The following NUP214 variants were observed in gnomAD, a reference collection of about 807,000 sequenced individuals.
NUP214 encodes nuclear pore complex protein Nup214.
Under a neutral mutation model 196.2 loss-of-function variants are expected in NUP214, and 79 were observed. The observed-to-expected ratio is 0.40, with a 90% confidence interval of 0.34 to 0.49. The LOEUF is 0.49. Among genes scored for constraint, NUP214 ranks in the 20% least tolerant of loss-of-function variants. NUP214 has a pLI of 0.58. For missense variants in NUP214, 2,468 were observed against 2,539.0 expected, an observed-to-expected ratio of 0.97 and a Z score of 0.60; for synonymous variants, 1,020 against 990.5, an observed-to-expected ratio of 1.03 and a Z score of -0.56.
At chr9:131,138,746 G>A (rs1413259261) in intron 9 of NUP214, among the ~76,000 whole-genome samples, 1 of 152,206 alleles carries the variant, frequency 6.6e-6, no homozygotes, top group Non-Finnish European at 1.5e-5. Context: ...CTGAGGAACT[G>A]GTACCAAGAA....
intron 21 of NUP214, among the ~76,000 whole-genome samples, chr9:131,168,387 T>C (rs1012776840): frequency 1.3e-5 from 2 of 152,248 alleles, no homozygotes; most frequent in Non-Finnish European, 2.9e-5. Flanking sequence ...AATTTACATA[T>C]AAAACTCACC....
intron 32 of NUP214, among the ~76,000 whole-genome samples, chr9:131,223,727 A>ATTTATTTATTTATTTATTTTATT: frequency 1.3e-4 from 2 of 15,642 alleles, no homozygotes; most frequent in African/African-American, 3.0e-4. Context: ...TTATTTATTT[A>ATTTATTTATTTATTTATTTTATT]TTTTTTTTTT....
At position 131,150,430 on chromosome 9, in the gene NUP214, G is replaced by GT; in HGVS notation, c.2127+21dup. The GT allele has an allele frequency of 6.2e-7, 1 of 1,612,714 alleles. No homozygotes were observed. On this transcript the variant is annotated intron_variant, in intron 15 of 35. Transcript: ENST00000359428. ...GAGGAGGTAAATTTGTTTCCTGAGGGTGTTTTTCTGAAAGTAGCTGACAGA... is the reference window on the plus strand; with the variant it reads ...GAGGAGGTAAATTTGTTTCCTGAGGGTTGTTTTTCTGAAAGTAGCTGACAGA...
chr9:131,204,750 T>A (rs1834033037), intron 30 of NUP214, among the ~76,000 whole-genome samples: 1 of 152,114 alleles, frequency 6.6e-6, no homozygotes, highest in Non-Finnish European at 1.5e-5. Flanking sequence ...AGACAGAACC[T>A]TCCAAAACTA....
chr9:131,150,231 G>A, intron 14 of NUP214, 93 bp from the exon 15 acceptor site: 1 of 995,018 alleles, frequency 1.0e-6, no homozygotes, highest in Non-Finnish European at 1.6e-6. Flanking sequence ...TAATGACTGT[G>A]TTACAGGAGC....
chr9:131,223,723 A>AT (rs1222974193), intron 32 of NUP214, among the ~76,000 whole-genome samples: 9 of 18,970 alleles, frequency 4.7e-4, no homozygotes, highest in African/African-American at 1.2e-3. Context: ...TTATTTATTT[A>AT]TTTATTTTTT....
chr9:131,150,499 C>A lies in NUP214; in HGVS notation c.2127+89C>A, dbSNP rs923094842. 7.0e-6 allele frequency: 11 copies of A among 1,564,888 alleles called. No homozygotes were observed. In the African/African-American group the frequency reaches 1.4e-4, roughly 19 times the overall value. ...CCAACCCCTGTATGACTAGTTAGTT[C>A]ATTCTAGCGCTGAAGCATGGCCCAT... On this transcript the variant is annotated intron_variant, in intron 15 of 35. Transcript: ENST00000359428.
chr9:131,188,277 T>C (rs1462121830), intron 25 of NUP214, among the ~76,000 whole-genome samples: 3 of 152,260 alleles, frequency 2.0e-5, no homozygotes, highest in Non-Finnish European at 2.9e-5. Flanking sequence ...GGCTTTTGCC[T>C]GATAAACATT....
chr9:131,228,107 G>T, intron 32 of NUP214, 53 bp from the exon 33 acceptor site: 1 of 1,468,592 alleles, frequency 6.8e-7, no homozygotes, highest in Non-Finnish European at 9.0e-7. Flanking sequence ...TTCTCTTCCT[G>T]TCTCCTCCTT....
At position 131,175,501 on chromosome 9, in the gene NUP214, A is replaced by G. The variant is rs368684575; in HGVS notation, c.3199A>G (p.Ser1067Gly). 3.2e-5 allele frequency: 51 copies of G among 1,614,128 alleles called. No homozygotes were observed. Among genetic ancestry groups the G allele is most frequent in the Non-Finnish European group, 4.1e-5 (48 of 1,180,050 alleles). ...CAAAATTATTCCTCAAGGGGCCGATAGCACAATGCTTGCCACGAAAACCGT... is the reference window on the plus strand; with the variant it reads ...CAAAATTATTCCTCAAGGGGCCGATGGCACAATGCTTGCCACGAAAACCGT... ...ASKIIPQGAD[S>G]TMLATKTVKH... Residue 1067 changes from serine to glycine, a missense_variant, in exon 23 of 36, where the codon AGC becomes GGC. Around this residue, in one of 5 missense-constraint regions of NUP214, gnomAD observed 1,801 missense variants for 1,779.4 expected, o/e 1.01. Transcript: ENST00000359428.
intron 1 of NUP214, chr9:131,126,396 A>G (rs1435637835): frequency 6.6e-6 from 1 of 152,388 alleles, no homozygotes; most frequent in Non-Finnish European, 1.5e-5. Flanking sequence ...AATAGTTCTT[A>G]TATGGGTTCT....
Position 131,132,648 on chromosome 9 carries a change from A to T in NUP214, c.716A>T (p.His239Leu). 6.2e-7 allele frequency: 1 copy of T among 1,613,990 alleles called. No homozygotes were observed. Among genetic ancestry groups the T allele is most frequent in the East Asian group, 2.2e-5 (1 of 44,874 alleles). Reference protein sequence around the residue: ...IPCPPFYESDHPVRVLDVLWI... With the variant: ...IPCPPFYESDLPVRVLDVLWI... ...TGTCCTCCGTTTTATGAGTCAGATCATCCTGTCAGAGGTAACAACTGCTTT... is the reference window on the plus strand; with the variant it reads ...TGTCCTCCGTTTTATGAGTCAGATCTTCCTGTCAGAGGTAACAACTGCTTT... The change falls in exon 6 of 36, where the codon CAT (histidine) becomes CTT (leucine). Residue 239 changes from histidine (H) to leucine (L), a missense_variant. His to Leu is a moderately conservative substitution (Grantham distance 99). Coordinates refer to ENST00000359428, the MANE Select transcript of NUP214 (RefSeq NM_005085.4).
Position 131,174,082 on chromosome 9 carries a change from C to A in NUP214, c.2921C>A (p.Ser974Tyr). 6.2e-7 allele frequency: 1 copy of A among 1,613,226 alleles called. No individual in the cohort carries two copies. Among genetic ancestry groups the A allele is most frequent in the Non-Finnish European group, 8.5e-7 (1 of 1,179,734 alleles). Residue 974 changes from serine (S) to tyrosine (Y), a missense_variant, in exon 22 of 36, where the codon TCT becomes TAT. Transcript: ENST00000359428. ...AGCCTGTCTCGATCAGCCTTTCTGT[C>A]TCAGAGATATTATGAAGACTTGGAT... ...PASLSRSAFL[S>Y]QRYYEDLDEV...
chr9:131,226,473 A>G (rs763577154), intron 32 of NUP214, among the ~76,000 whole-genome samples: 1 of 151,894 alleles, frequency 6.6e-6, no homozygotes, highest in Non-Finnish European at 1.5e-5. Context: ...TTTCTGTATC[A>G]TCATGACTTC....
At chr9:131,143,303 C>T (rs1041822078) in intron 11 of NUP214, among the ~76,000 whole-genome samples, 1 of 152,182 alleles carries the variant, frequency 6.6e-6, no homozygotes, top group African/African-American at 2.4e-5. Flanking sequence ...GCCACTGCGC[C>T]CAGCCTTCCA....
Position 131,232,640 on chromosome 9 carries a change from C to T in NUP214, c.6239+332C>T. 2.3e-6 allele frequency: 1 copy of T among 442,530 alleles called. No individual in the cohort carries two copies. The highest frequency in any genetic ancestry group is 4.2e-6 in the Non-Finnish European group (1 of 239,266). The allele number at this position is 442,530 out of a possible 1,614,324, so 27.4% of individuals were successfully genotyped here. A position where few individuals can be genotyped will look rare whatever the true frequency, so the allele number is the denominator to read the frequency against. ...GGTTTCTCAGAAGCTGCATGCTAAC[C>T]CCTGGGCTCTGGGCCATCACCAGGT... On this transcript the variant is annotated intron_variant, in intron 35 of 35. Coordinates refer to ENST00000359428, the MANE Select transcript of NUP214 (RefSeq NM_005085.4). This position sits in a 1 kb window ranked among gnomAD's most constrained non-coding sequence, Gnocchi z 5.1.
intron 29 of NUP214, 122 bp downstream of exon 29, chr9:131,199,137 A>G (rs1833878291): frequency 1.6e-6 from 2 of 1,235,630 alleles, no homozygotes; most frequent in Non-Finnish European, 2.2e-6. Context: ...TCTGTAGGTT[A>G]AAGAAGACAG....
rs966373971 is a variant in NUP214, at chr9:131,144,433, C to T, written c.1448C>T (p.Ser483Phe). ...LPAGGAPTVF[S>F]FGSSSLKSSA... ...GCTGGTGGAGCCCCCACTGTGTTCT[C>T]CTTTGGTTCTTCATCTTTGAAGTCA... Residue 483 changes from serine to phenylalanine, a missense_variant, in exon 12 of 36, where the codon TCC becomes TTC. Around this residue, in one of 5 missense-constraint regions of NUP214, gnomAD observed 1,801 missense variants for 1,779.4 expected, o/e 1.01. Coordinates refer to ENST00000359428, the MANE Select transcript of NUP214 (RefSeq NM_005085.4). 2 of 1,614,028 alleles carry T rather than the reference C, an allele frequency of 1.2e-6. No homozygotes were observed. Among genetic ancestry groups the T allele is most frequent in the East Asian group, 2.2e-5 (1 of 44,894 alleles).
At chr9:131,219,009 T>A (rs187055223) in intron 31 of NUP214, among the ~76,000 whole-genome samples, 22 of 152,016 alleles carry the variant, frequency 1.4e-4, no homozygotes, top group Non-Finnish European at 2.8e-4. Flanking sequence ...TGCCTGAGGG[T>A]CATTCAGGCC....
Sources: gnomAD v4.1 joint callset for allele counts (sites outside exome capture counted in the v4.1 genomes callset) on GRCh38, gnomAD v4.1.1 for gene constraint, gnomAD v4.1.1 regional missense constraint, Gnocchi (gnomAD v3.1) non-coding constraint, MANE v1.5 for transcripts, NCBI Gene and HGNC (gene_info 2026-07-23, HGNC 2026-07-21) for gene names.